The following PTPRN2 variants were observed in gnomAD, a reference collection of about 807,000 sequenced individuals.
PTPRN2 encodes protein tyrosine phosphatase receptor type N2.
PTPRN2 carries 74 observed loss-of-function variants against 118.8 expected under a neutral mutation model. The ratio of observed to expected loss-of-function variants is 0.62; its 90% CI spans 0.52 to 0.76. PTPRN2 has a LOEUF of 0.76. Among genes scored for constraint, PTPRN2 ranks in the 30% least tolerant of loss-of-function variants. PTPRN2 has a pLI of 0.00. For missense variants in PTPRN2, 1,481 were observed against 1,394.4 expected (o/e 1.06, Z -0.99); for synonymous variants, 641 against 608.0 (o/e 1.05, Z -0.80).
At position 157,623,197 on chromosome 7, in the gene PTPRN2, A is replaced by G. The variant is rs113586943; in HGVS notation, c.2197-1688T>C. On this transcript the variant is annotated intron_variant, in intron 14 of 22. Coordinates refer to ENST00000389418, the MANE Select transcript of PTPRN2 (RefSeq NM_002847.5). ...ACCCTAATAGGAAAAACATTTTTGG[A>G]TGATATAATATTTAAGTTTTGTGAA... 5.2e-3 allele frequency among the ~76,000 whole-genome samples: 788 copies of G among 152,326 alleles called. 9 individuals carry two copies. The highest frequency in any genetic ancestry group is 0.018 in the African/African-American group (737 of 41,562).
intron 2 of PTPRN2, among the ~76,000 whole-genome samples, chr7:158,407,203 CCT>C (rs1563254524): frequency 0.016 from 526 of 32,358 alleles, 54 homozygotes; most frequent in South Asian, 0.031. Flanking sequence ...GGTCCTGGGT[CCT>C]GGGTCCTGCG....
At chr7:158,412,775 G>A (rs1456440243) in intron 2 of PTPRN2, among the ~76,000 whole-genome samples, 5 of 96,196 alleles carry the variant, frequency 5.2e-5, no homozygotes, top group East Asian at 3.4e-4. Flanking sequence ...CAGCACCAGG[G>A]CCCATCCAGC....
chr7:158,209,113 T>TAA (rs34181322), intron 3 of PTPRN2, among the ~76,000 whole-genome samples: 18 of 147,900 alleles, frequency 1.2e-4, no homozygotes, highest in African/African-American at 2.2e-4. Flanking sequence ...CACTTTCACT[T>TAA]AAAAAAAAAA....
intron 12 of PTPRN2, among the ~76,000 whole-genome samples, chr7:157,862,167 C>T (rs1052578912): frequency 6.6e-6 from 1 of 152,270 alleles, no homozygotes; most frequent in Non-Finnish European, 1.5e-5. Context: ...AGGGACATGG[C>T]CGCATCAAGG....
At chr7:157,832,967 G>A (rs1012796482) in intron 12 of PTPRN2, among the ~76,000 whole-genome samples, 2 of 152,354 alleles carry the variant, frequency 1.3e-5, no homozygotes, top group African/African-American at 2.4e-5. Context: ...TGTGGCTGGT[G>A]CCCATCCATC....
At chr7:157,824,006 T>C (rs912126304) in intron 12 of PTPRN2, among the ~76,000 whole-genome samples, 2 of 152,194 alleles carry the variant, frequency 1.3e-5, no homozygotes, top group Non-Finnish European at 2.9e-5. Context: ...GCAGATGGAC[T>C]GGCTCAAAAG....
At position 157,682,288 on chromosome 7, in the gene PTPRN2, G is replaced by A. The variant is rs138865339; in HGVS notation, c.2001+437C>T. Among the ~76,000 whole-genome samples, 1,274 of 152,242 alleles carry A rather than the reference G, an allele frequency of 8.4e-3. 15 individuals are homozygous for A. The highest frequency in any genetic ancestry group is 0.029 in the African/African-American group (1,221 of 41,518). On this transcript the variant is annotated intron_variant, in intron 13 of 22. Transcript: ENST00000389418. ...TTCACTGGACCGGACAACAGCACAGGGTGGCAACTGGGCAGGTCAAAGGAT... is the reference window on the plus strand; with the variant it reads ...TTCACTGGACCGGACAACAGCACAGAGTGGCAACTGGGCAGGTCAAAGGAT...
Position 158,007,498 on chromosome 7 carries a change from C to T in PTPRN2, c.1723+73800G>A, listed in dbSNP as rs114579284. On this transcript the variant is annotated intron_variant, in intron 11 of 22. Transcript: ENST00000389418. ...GGAGGGGACCCAGACGCAGGGACTA[C>T]GGAGGGCAGTGGGGCCTCACAGGGC... Among the ~76,000 whole-genome samples, 639 of 152,250 alleles carry T rather than the reference C, an allele frequency of 4.2e-3. 6 individuals are homozygous for T. Among genetic ancestry groups the T allele is most frequent in the African/African-American group, 0.013 (524 of 41,526 alleles).
At chr7:158,559,678 C>T (rs1827255232) in intron 1 of PTPRN2, among the ~76,000 whole-genome samples, 1 of 152,154 alleles carries the variant, frequency 6.6e-6, no homozygotes, top group Admixed American at 6.5e-5. Context: ...GGCCCCTTCC[C>T]TGCCACTCCC....
chr7:158,255,627 G>C (rs1421289560), intron 3 of PTPRN2, among the ~76,000 whole-genome samples: 1 of 152,120 alleles, frequency 6.6e-6, no homozygotes, highest in African/African-American at 2.4e-5. Flanking sequence ...CATTCAGGAT[G>C]CTTTGGAAAT....
chr7:157,864,402 C>T (rs1810476533), intron 12 of PTPRN2: 1 of 152,252 alleles, frequency 6.6e-6, no homozygotes, highest in Non-Finnish European at 1.5e-5. Flanking sequence ...GATGCTGACA[C>T]CTGGGGATGG....
At chr7:158,500,605 A>G (rs1282772115) in intron 1 of PTPRN2, among the ~76,000 whole-genome samples, 1 of 152,236 alleles carries the variant, frequency 6.6e-6, no homozygotes, top group African/African-American at 2.4e-5. Flanking sequence ...AACCTTCACT[A>G]TTCCAAAGGG....
At chr7:158,251,493 T>C (rs1174480847) in intron 3 of PTPRN2, among the ~76,000 whole-genome samples, 2 of 145,940 alleles carry the variant, frequency 1.4e-5, no homozygotes, top group African/African-American at 5.2e-5. Flanking sequence ...GCACGTGTGG[T>C]GTGTGCAGGT....
At chr7:158,272,898 G>A (rs1798609238) in intron 3 of PTPRN2, among the ~76,000 whole-genome samples, 2 of 152,224 alleles carry the variant, frequency 1.3e-5, no homozygotes, top group African/African-American at 4.8e-5. Flanking sequence ...GATGGGGCTT[G>A]GCTGTGTTGC....
intron 6 of PTPRN2, among the ~76,000 whole-genome samples, chr7:158,151,104 TTCTGCTC>T (rs1563520794): frequency 2.0e-3 from 22 of 11,154 alleles, no homozygotes; most frequent in African/African-American, 3.7e-3. Flanking sequence ...CCGCCCGCCT[TTCTGCTC>T]CTACCCCTGC....
intron 10 of PTPRN2, among the ~76,000 whole-genome samples, chr7:158,087,835 A>T (rs1373199155): frequency 2.0e-5 from 2 of 97,916 alleles, no homozygotes; most frequent in Non-Finnish European, 2.4e-5. Context: ...GGGAGTCTTC[A>T]CACAAACCTT....
intron 2 of PTPRN2, among the ~76,000 whole-genome samples, chr7:158,465,829 G>A (rs572613447): frequency 2.6e-5 from 4 of 152,312 alleles, no homozygotes; most frequent in Non-Finnish European, 5.9e-5. Flanking sequence ...CTCTGATCAC[G>A]TAAGCCTAGA....
At chr7:157,612,762 A>G (rs980588352) in intron 15 of PTPRN2, among the ~76,000 whole-genome samples, 9 of 152,210 alleles carry the variant, frequency 5.9e-5, no homozygotes, top group Non-Finnish European at 1.3e-4. Flanking sequence ...GCAGGTGTGG[A>G]AAACGCCCAA....
intron 12 of PTPRN2, among the ~76,000 whole-genome samples, chr7:157,786,958 G>C (rs1407125791): frequency 6.6e-6 from 1 of 152,198 alleles, no homozygotes; most frequent in African/African-American, 2.4e-5. Flanking sequence ...AGTGTCAGCT[G>C]TAGGTCCCAT....
Sources: allele counts gnomAD v4.1 joint callset (sites outside exome capture counted in the v4.1 genomes callset), GRCh38; gene constraint gnomAD v4.1.1; transcripts MANE v1.5; gene names NCBI Gene and HGNC (gene_info 2026-07-23, HGNC 2026-07-21).